Variants in MGAT4C observed in about 807,000 individuals in gnomAD.
MGAT4C encodes alpha-1,3-mannosyl-glycoprotein 4-beta-N-acetylglucosaminyltransferase C.
MGAT4C carries 19 observed loss-of-function variants against 40.1 expected under a neutral mutation model. The observed-to-expected ratio is 0.47, with a 90% CI of 0.33 to 0.70. The LOEUF (loss-of-function observed/expected upper bound fraction) is 0.70, where lower values mean the gene tolerates loss of function less well. MGAT4C is among the 30% of genes least tolerant of loss of function. The probability of loss-of-function intolerance (pLI) is 0.02; values close to 1 mark genes in which losing one functional copy is unlikely to be tolerated. For synonymous variants in MGAT4C, 181 were observed against 187.1 expected (o/e 0.97, Z 0.27); for missense variants, 491 against 563.2 (o/e 0.87, Z 1.30).
chr12:86,147,327 C>T (rs1883667510), intron 1 of MGAT4C, among the ~76,000 whole-genome samples: 1 of 152,092 alleles, frequency 6.6e-6, no homozygotes, highest in East Asian at 1.9e-4. Flanking sequence ...CTGCAAGCTC[C>T]ACCTCCCGGG....
intron 3 of MGAT4C, among the ~76,000 whole-genome samples, chr12:86,405,851 G>C (rs552764592): frequency 2.0e-4 from 30 of 148,832 alleles, no homozygotes; most frequent in African/African-American, 7.1e-4. Flanking sequence ...AAGCAATTCA[G>C]TGAGGGAAAG....
intron 2 of MGAT4C, among the ~76,000 whole-genome samples, chr12:86,662,587 T>G (rs933307175): frequency 6.6e-6 from 1 of 152,192 alleles, no homozygotes; most frequent in Non-Finnish European, 1.5e-5. Flanking sequence ...TGATTGTGAT[T>G]TTTTTTCATG....
chr12:86,276,110 T>C (rs1693876623), intron 4 of MGAT4C, among the ~76,000 whole-genome samples: 1 of 125,670 alleles, frequency 8.0e-6, no homozygotes, highest in South Asian at 3.0e-4. Flanking sequence ...AGAGCAAGAC[T>C]CCGTCAAAAA....
chr12:86,675,061 GA>G (rs1245440430), intron 2 of MGAT4C, among the ~76,000 whole-genome samples: 5 of 152,010 alleles, frequency 3.3e-5, no homozygotes, highest in African/African-American at 9.7e-5. Context: ...ACAACACTCA[GA>G]AAAATTATAT....
chr12:86,410,349 C>A (rs949000582), intron 3 of MGAT4C, among the ~76,000 whole-genome samples: 4 of 152,046 alleles, frequency 2.6e-5, no homozygotes, highest in South Asian at 4.1e-4. Flanking sequence ...TTATAGACCA[C>A]CCCCTAGGAA....
At chr12:86,276,549 A>G in intron 4 of MGAT4C, among the ~76,000 whole-genome samples, 1 of 152,086 alleles carries the variant, frequency 6.6e-6, no homozygotes, top group Non-Finnish European at 1.5e-5. Flanking sequence ...TTTTGTACTC[A>G]TTAACCATAC....
intron 1 of MGAT4C, among the ~76,000 whole-genome samples, chr12:86,062,524 G>A (rs559678222): frequency 2.6e-5 from 4 of 152,128 alleles, no homozygotes; most frequent in African/African-American, 9.6e-5. Flanking sequence ...GACAGAGAAG[G>A]AGTTTGACGA....
At chr12:86,426,617 T>G (rs775165929) in intron 3 of MGAT4C, among the ~76,000 whole-genome samples, 6 of 152,102 alleles carry the variant, frequency 3.9e-5, no homozygotes, top group Non-Finnish European at 7.4e-5. Flanking sequence ...GCATACTCCA[T>G]TCAGTGCTAT....
At chr12:86,796,922 T>TA (rs1952134054) in intron 1 of MGAT4C, among the ~76,000 whole-genome samples, 1 of 151,896 alleles carries the variant, frequency 6.6e-6, no homozygotes, top group South Asian at 2.1e-4. Flanking sequence ...ATCTGTCCAT[T>TA]AAAAATATTT....
intron 3 of MGAT4C, among the ~76,000 whole-genome samples, chr12:86,349,155 TTAAC>T (rs1592725819): frequency 6.6e-6 from 1 of 152,276 alleles, no homozygotes; most frequent in East Asian, 1.9e-4. Flanking sequence ...TTATTGTAAA[TTAAC>T]TAACAAAGAA....
intron 1 of MGAT4C, among the ~76,000 whole-genome samples, chr12:86,073,743 C>A (rs953470180): frequency 4.6e-5 from 7 of 152,132 alleles, no homozygotes; most frequent in Non-Finnish European, 8.8e-5. Context: ...CCCATACCCC[C>A]CATTGTACCT....
chr12:86,586,774 C>G (rs1479575603), intron 2 of MGAT4C, among the ~76,000 whole-genome samples: 4 of 151,650 alleles, frequency 2.6e-5, no homozygotes, highest in East Asian at 1.9e-4. Flanking sequence ...TGTTTATATC[C>G]TTCGCCCACT....
At chr12:86,105,097 T>C (rs946108855) in intron 1 of MGAT4C, among the ~76,000 whole-genome samples, 2 of 152,208 alleles carry the variant, frequency 1.3e-5, no homozygotes, top group African/African-American at 4.8e-5. Flanking sequence ...AATGTGATAT[T>C]CTAAATCAAT....
chr12:86,328,737 T>C (rs1029588559), intron 4 of MGAT4C, among the ~76,000 whole-genome samples: 3 of 152,182 alleles, frequency 2.0e-5, no homozygotes, highest in Non-Finnish European at 4.4e-5. Flanking sequence ...TAATTATCTT[T>C]GATTTGTTAG....
chr12:86,201,816 T>A (rs1950062628), intron 1 of MGAT4C, among the ~76,000 whole-genome samples: 1 of 152,088 alleles, frequency 6.6e-6, no homozygotes, highest in African/African-American at 2.4e-5. Context: ...AGACCTTCTT[T>A]ACCATTTCTC....
At chr12:86,566,239 T>G (rs532626137) in intron 2 of MGAT4C, among the ~76,000 whole-genome samples, 1 of 151,920 alleles carries the variant, frequency 6.6e-6, no homozygotes, top group East Asian at 2.0e-4. Flanking sequence ...GATTAACATT[T>G]TAGTCAGTGG....
At chr12:86,279,540 T>A (rs1341776086) in intron 4 of MGAT4C, among the ~76,000 whole-genome samples, 1 of 152,044 alleles carries the variant, frequency 6.6e-6, no homozygotes, top group Non-Finnish European at 1.5e-5. Context: ...TTGGGTCTCC[T>A]CTCTCTTTTT....
At position 86,692,111 on chromosome 12, in the gene MGAT4C, GA is replaced by G. The variant is rs1463376595; in HGVS notation, c.-229+35097del. ...AAATTTTTTAAAAAATGGAAATGCA[GA>G]AAAGATTATTAAAGGTATGTGATCA... On this transcript the variant is annotated intron_variant, in intron 2 of 7. Coordinates refer to the MGAT4C transcript ENST00000548651. Among the ~76,000 whole-genome samples, 7 of 152,156 alleles carry G rather than the reference GA, an allele frequency of 4.6e-5. No homozygotes were observed. The East Asian group carries it at 1.4e-3, about 29-fold the overall frequency.
intron 1 of MGAT4C, among the ~76,000 whole-genome samples, chr12:86,074,327 T>C (rs534459167): frequency 7.5e-6 from 1 of 133,302 alleles, no homozygotes. Context: ...GAGTTAATAC[T>C]TAATAAACAT....
Sources: allele counts gnomAD v4.1 joint callset (sites outside exome capture counted in the v4.1 genomes callset), GRCh38; gene constraint gnomAD v4.1.1; transcripts MANE v1.5; gene names NCBI Gene and HGNC (gene_info 2026-07-23, HGNC 2026-07-21).